JAKMIP1: variants seen among roughly 807,000 people sequenced by gnomAD.
JAKMIP1 encodes janus kinase and microtubule interacting protein 1.
A neutral mutation model predicts 113.0 loss-of-function variants in JAKMIP1; 33 were observed. The ratio of observed to expected loss-of-function variants is 0.29; its 90% confidence interval spans 0.22 to 0.39. The LOEUF (loss-of-function observed/expected upper bound fraction) is 0.39. JAKMIP1 is among the 10% of genes least tolerant of loss of function. JAKMIP1 has a pLI of 1.00. For synonymous variants in JAKMIP1, 480 were observed against 459.9 expected (o/e 1.04, Z -0.56); for missense variants, 813 against 1,080.5 (o/e 0.75, Z 3.47).
At chr4:6,195,055 A>T (rs1204096143) in intron 1 of JAKMIP1, among the ~76,000 whole-genome samples, 2 of 152,192 alleles carry the variant, frequency 1.3e-5, no homozygotes, top group Non-Finnish European at 2.9e-5. Flanking sequence ...CAACCGAGGG[A>T]TGTGCAGGGA....
chr4:6,177,074 G>C (rs2109033262), intron 1 of JAKMIP1, among the ~76,000 whole-genome samples: 1 of 152,284 alleles, frequency 6.6e-6, no homozygotes, highest in East Asian at 1.9e-4. Flanking sequence ...TACAAACCTT[G>C]TTGTCATGAG....
Position 6,180,285 on chromosome 4 carries a change from C to A in JAKMIP1, c.-148+19968G>T, listed in dbSNP as rs1328485767. Among the ~76,000 whole-genome samples the A allele has an allele frequency of 6.6e-6, 1 of 152,202 alleles. No homozygotes were observed. The highest frequency in any genetic ancestry group is 2.4e-5 in the African/African-American group (1 of 41,462). On this transcript the variant is annotated intron_variant, in intron 1 of 20. Transcript: ENST00000409021. The surrounding 1 kb of genome is among the most constrained non-coding windows in gnomAD (Gnocchi z 4.5). ...TAACATTCAGAACCCACAAAAAATT[C>A]TCATCAAATAGAAATGAGAGTTGTT...
In JAKMIP1 at chr4:6,080,382, G is replaced by A. The variant is rs1720333639; in HGVS notation, c.1102-70C>T. 1 of 1,555,002 alleles carries A rather than the reference G, an allele frequency of 6.4e-7. No homozygotes were observed. The highest frequency in any genetic ancestry group is 1.4e-5 in the African/African-American group (1 of 73,546). ...AGTGTTTGTTAGGGACAGTGCTGGA[G>A]TGGAGCTCAGGGGTGCAGGGACAGA... On this transcript the variant is annotated intron_variant, in intron 6 of 20. Transcript: ENST00000409021. This position sits in a 1 kb window ranked among gnomAD's most constrained non-coding sequence, Gnocchi z 6.0.
At position 6,064,786 on chromosome 4, in the gene JAKMIP1, G is replaced by T; in HGVS notation, c.1431+94C>A. 6.5e-7 allele frequency: 1 copy of T among 1,532,826 alleles called. No homozygotes were observed. Among genetic ancestry groups the T allele is most frequent in the Non-Finnish European group, 9.0e-7 (1 of 1,116,558 alleles). 95.0% of individuals were successfully genotyped at this position (1,532,826 alleles called of 1,614,324 possible). On this transcript the variant is annotated intron_variant, in intron 9 of 20. Coordinates refer to ENST00000409021, the MANE Select transcript of JAKMIP1 (RefSeq NM_001099433.2). The surrounding 1 kb of genome is among the most constrained non-coding windows in gnomAD (Gnocchi z 4.3). ...TGGTCATCTGGGGTTCAGAACTATA[G>T]GCAAGGGAGCGAAACTTGCAACTAT...
intron 11 of JAKMIP1, among the ~76,000 whole-genome samples, chr4:6,058,825 G>A (rs1449126411): frequency 6.6e-6 from 1 of 152,176 alleles, no homozygotes; most frequent in African/African-American, 2.4e-5. Context: ...ACAACACTAA[G>A]TTAGTTATAG....
At chr4:6,099,605 G>C (rs1712668805) in intron 3 of JAKMIP1, among the ~76,000 whole-genome samples, 1 of 150,498 alleles carries the variant, frequency 6.6e-6, no homozygotes, top group African/African-American at 2.4e-5. Context: ...CTTGTGTTTT[G>C]AATACACTGA....
At position 6,132,472 on chromosome 4, in the gene JAKMIP1, T is replaced by A. The variant is rs187925919; in HGVS notation, c.-147-19475A>T. On this transcript the variant is annotated intron_variant, in intron 1 of 20. Transcript: ENST00000409021. ...GCCTGGCCAACATGGTGAAACCCCG[T>A]CTCTACTAAAAATACAAAAATTAGC... Among the ~76,000 whole-genome samples the A allele has an allele frequency of 1.5e-3, 224 of 151,916 alleles. 1 individual carries two copies. The highest frequency in any genetic ancestry group is 5.2e-3 in the African/African-American group (214 of 41,398).
In JAKMIP1 at chr4:6,197,546, C is replaced by A. The variant is rs1727980043; in HGVS notation, c.-148+2707G>T. On this transcript the variant is annotated intron_variant, in intron 1 of 20. Coordinates refer to ENST00000409021, the MANE Select transcript of JAKMIP1 (RefSeq NM_001099433.2). The surrounding 1 kb of genome is among the most constrained non-coding windows in gnomAD (Gnocchi z 6.5). ...AGAGGTTAATCTTCTTACCCAAGAT[C>A]ACACAATGACAAGGGATAAACTACA... Among the ~76,000 whole-genome samples, 1 of 152,214 alleles carries A rather than the reference C, an allele frequency of 6.6e-6. No homozygotes were observed.
At chr4:6,177,520 C>G (rs1276811632) in intron 1 of JAKMIP1, among the ~76,000 whole-genome samples, 1 of 152,182 alleles carries the variant, frequency 6.6e-6, no homozygotes, top group Non-Finnish European at 1.5e-5. Context: ...AGAGAAAGAG[C>G]CTGGGCTTCC....
chr4:6,088,107 C>T lies in JAKMIP1; in HGVS notation c.625-2478G>A, dbSNP rs541345558. Among the ~76,000 whole-genome samples the T allele has an allele frequency of 6.6e-6, 1 of 152,330 alleles. No homozygotes were observed. The highest frequency in any genetic ancestry group is 1.5e-5 in the Non-Finnish European group (1 of 68,024). On this transcript the variant is annotated intron_variant, in intron 3 of 20. Transcript: ENST00000409021. This position sits in a 1 kb window ranked among gnomAD's most constrained non-coding sequence, Gnocchi z 5.5. ...CAAGCACGCTTTCATTAACTCAACA[C>T]ATGCTGAGCTGAGCGCTATCAGTGG...
rs959550939 is a variant in JAKMIP1, at chr4:6,051,187, AGGACCCCAAAGGCT to A, written c.1807-522_1807-509del. Among the ~76,000 whole-genome samples the A allele has an allele frequency of 6.6e-6, 1 of 150,878 alleles. No individual in the cohort carries two copies. Among genetic ancestry groups the A allele is most frequent in the African/African-American group, 2.4e-5 (1 of 41,110 alleles). ...TCCCACGCTAGCAAGCGGCAGGGCCAGGACCCCAAAGGCTGACTTTCTTTCTTTTTCTTTCCTTT... is the reference window on the plus strand; with the variant it reads ...TCCCACGCTAGCAAGCGGCAGGGCCAGACTTTCTTTCTTTTTCTTTCCTTT... On this transcript the variant is annotated intron_variant, in intron 13 of 20. Coordinates refer to ENST00000409021, the MANE Select transcript of JAKMIP1 (RefSeq NM_001099433.2). This position sits in a 1 kb window ranked among gnomAD's most constrained non-coding sequence, Gnocchi z 5.0.
rs143274547 is a variant in JAKMIP1 at position 6,112,803 on chromosome 4, C to A, written c.48G>T (p.Thr16=). The A allele has an allele frequency of 6.2e-7, 1 of 1,614,102 alleles. No homozygotes were observed. Residue 16 remains threonine, a synonymous_variant, in exon 2 of 21, where the codon ACG becomes ACT. Transcript: ENST00000409021. ...RSKGEKPEME[T]DAVQMANEEL... ...CCTCGTTGGCCATCTGCACCGCGTC[C>A]GTCTCCATCTCGGGCTTCTCGCCCT...
chr4:6,096,280 A>C (rs1329826117), intron 3 of JAKMIP1, among the ~76,000 whole-genome samples: 1 of 152,250 alleles, frequency 6.6e-6, no homozygotes, highest in Non-Finnish European at 1.5e-5. Context: ...CGGTGAGGTT[A>C]AACTAATTTT....
intron 5 of JAKMIP1, among the ~76,000 whole-genome samples, chr4:6,084,204 C>G (rs1560159587): frequency 6.6e-6 from 1 of 151,940 alleles, no homozygotes; most frequent in East Asian, 1.9e-4. Flanking sequence ...GTAATCCCAG[C>G]TACTCGGGAG....
In JAKMIP1 at chr4:6,188,925, C is replaced by G. The variant is rs1203961672; in HGVS notation, c.-148+11328G>C. ...GGCACAATGTGGGGGCATCCAGGCCCTTTTTCAAAATAAGATATCTGGTTT... is the reference window on the plus strand; with the variant it reads ...GGCACAATGTGGGGGCATCCAGGCCGTTTTTCAAAATAAGATATCTGGTTT... On this transcript the variant is annotated intron_variant, in intron 1 of 20. Coordinates refer to ENST00000409021, the MANE Select transcript of JAKMIP1 (RefSeq NM_001099433.2). The surrounding 1 kb of genome is among the most constrained non-coding windows in gnomAD (Gnocchi z 5.8). Among the ~76,000 whole-genome samples, 2 of 152,158 alleles carry G rather than the reference C, an allele frequency of 1.3e-5. No homozygotes were observed. Among genetic ancestry groups the G allele is most frequent in the African/African-American group, 2.4e-5 (1 of 41,438 alleles).
At chr4:6,119,001 C>A (rs1020075046) in intron 1 of JAKMIP1, among the ~76,000 whole-genome samples, 1 of 152,090 alleles carries the variant, frequency 6.6e-6, no homozygotes, top group East Asian at 1.9e-4. Context: ...GAGGAGAAGC[C>A]CAAGCGAAGT....
chr4:6,173,132 G>C (rs975636094), intron 1 of JAKMIP1, among the ~76,000 whole-genome samples: 10 of 152,192 alleles, frequency 6.6e-5, no homozygotes, highest in African/African-American at 1.9e-4. Flanking sequence ...AAAAGTTCAG[G>C]AGATTTCACC....
At position 6,178,788 on chromosome 4, in the gene JAKMIP1, G is replaced by C. The variant is rs993850061; in HGVS notation, c.-148+21465C>G. On this transcript the variant is annotated intron_variant, in intron 1 of 20. Transcript: ENST00000409021. This position sits in a 1 kb window ranked among gnomAD's most constrained non-coding sequence, Gnocchi z 5.5. ...CCAAATTCTCTAGGTCATGTCTCCA[G>C]AGAGGCTTCCACTGACCTCATCCCC... 3.3e-5 allele frequency among the ~76,000 whole-genome samples: 5 copies of C among 152,174 alleles called. No homozygotes were observed. Among genetic ancestry groups the C allele is most frequent in the African/African-American group, 1.2e-4 (5 of 41,440 alleles).
rs529236106 is a variant in JAKMIP1, at chr4:6,154,382, A to T, written c.-147-41385T>A. ...TGCCCAGAAAGGATTTACCACAAAGAGCGTGAAGAGAGTGGTCCCCTTCCA... is the reference window on the plus strand; with the variant it reads ...TGCCCAGAAAGGATTTACCACAAAGTGCGTGAAGAGAGTGGTCCCCTTCCA... On this transcript the variant is annotated intron_variant, in intron 1 of 20. Coordinates refer to ENST00000409021, the MANE Select transcript of JAKMIP1 (RefSeq NM_001099433.2). This position sits in a 1 kb window ranked among gnomAD's most constrained non-coding sequence, Gnocchi z 4.2. Among the ~76,000 whole-genome samples the T allele has an allele frequency of 6.6e-6, 1 of 152,120 alleles. No homozygotes were observed. The highest frequency in any genetic ancestry group is 1.5e-5 in the Non-Finnish European group (1 of 68,010).
Sources: gnomAD v4.1 joint callset for allele counts (sites outside exome capture counted in the v4.1 genomes callset) on GRCh38, gnomAD v4.1.1 for gene constraint, Gnocchi (gnomAD v3.1) non-coding constraint, MANE v1.5 for transcripts, NCBI Gene and HGNC (gene_info 2026-07-23, HGNC 2026-07-21) for gene names.